ICA1: variants seen among roughly 807,000 people sequenced by gnomAD.
ICA1 encodes the protein 69 kDa islet cell autoantigen.
A neutral mutation model predicts 71.0 loss-of-function variants in ICA1; 40 were observed. The ratio of observed to expected loss-of-function variants is 0.56; its 90% CI spans 0.44 to 0.73. The LOEUF is 0.73. Ranked by LOEUF, ICA1 falls within the 30% of genes least tolerant of loss-of-function variation. The pLI, the probability that ICA1 is intolerant of heterozygous loss-of-function variation, is 0.00. For missense variants in ICA1, 578 were observed against 576.5 expected (o/e 1.00, Z -0.03); for synonymous variants, 207 against 209.5 (o/e 0.99, Z 0.10).
At chr7:8,181,992 A>G (rs1782324065) in intron 6 of ICA1, among the ~76,000 whole-genome samples, 1 of 152,302 alleles carries the variant, frequency 6.6e-6, no homozygotes, top group South Asian at 2.1e-4. Flanking sequence ...AATGGTAGTT[A>G]CTTGCAAAGC....
chr7:8,164,986 AG>A (rs1363991201), intron 6 of ICA1, among the ~76,000 whole-genome samples: 5 of 152,150 alleles, frequency 3.3e-5, no homozygotes, highest in African/African-American at 1.2e-4. Context: ...TTAAGGTGGG[AG>A]GATTGCCTGA....
intron 6 of ICA1, among the ~76,000 whole-genome samples, chr7:8,201,859 A>G (rs892869029): frequency 1.7e-4 from 26 of 152,228 alleles, no homozygotes; most frequent in Middle Eastern, 3.4e-3. Context: ...GGATTTTAGA[A>G]CATTCCTAGG....
intron 6 of ICA1, among the ~76,000 whole-genome samples, chr7:8,215,545 T>C (rs1477666606): frequency 2.0e-5 from 3 of 152,194 alleles, no homozygotes; most frequent in African/African-American, 4.8e-5. Context: ...CAAGACAAGA[T>C]GGCAATGATC....
At chr7:8,216,596 T>TAAAAAA (rs1554349683) in intron 6 of ICA1, among the ~76,000 whole-genome samples, 1 of 87,222 alleles carries the variant, frequency 1.1e-5, no homozygotes, top group African/African-American at 7.3e-5. Flanking sequence ...AAAAAAAAAT[T>TAAAAAA]CCACATAAAA....
At chr7:8,179,173 C>T (rs1402249876) in intron 6 of ICA1, among the ~76,000 whole-genome samples, 2 of 152,158 alleles carry the variant, frequency 1.3e-5, no homozygotes, top group African/African-American at 4.8e-5. Context: ...TAAATGACTT[C>T]TTAGAGGACA....
intron 6 of ICA1, among the ~76,000 whole-genome samples, chr7:8,167,633 G>T (rs2128223637): frequency 6.6e-6 from 1 of 151,844 alleles, no homozygotes; most frequent in African/African-American, 2.4e-5. Flanking sequence ...TAAAATAAAT[G>T]TTAAAAAAAA....
intron 6 of ICA1, among the ~76,000 whole-genome samples, chr7:8,180,838 T>TC (rs201379961): frequency 2.8e-3 from 371 of 132,608 alleles, no homozygotes; most frequent in African/African-American, 0.01. Context: ...TCTCTCTCTC[T>TC]TTTTTTTTTT....
intron 8 of ICA1, among the ~76,000 whole-genome samples, chr7:8,153,264 G>A (rs1800254058): frequency 6.6e-6 from 1 of 152,150 alleles, no homozygotes; most frequent in Non-Finnish European, 1.5e-5. Flanking sequence ...ACATCTCACA[G>A]GAATCCACTT....
At chr7:8,160,714 T>C (rs1803452944) in intron 6 of ICA1, among the ~76,000 whole-genome samples, 1 of 152,212 alleles carries the variant, frequency 6.6e-6, no homozygotes, top group African/African-American at 2.4e-5. Context: ...TCTACAGATC[T>C]GGGAAGATCA....
chr7:8,197,314 G>A (rs955735246), intron 6 of ICA1, among the ~76,000 whole-genome samples: 2 of 151,642 alleles, frequency 1.3e-5, no homozygotes, highest in Non-Finnish European at 2.9e-5. Flanking sequence ...CAGCACTTTG[G>A]GAGGCCGAAG....
rs1416742298 is a variant in ICA1 at position 8,235,651 on chromosome 7, T to C, written c.17+259A>G. On this transcript the variant is annotated intron_variant, in intron 2 of 13. Coordinates refer to ENST00000402384, the MANE Select transcript of ICA1 (RefSeq NM_001136020.3). Reference sequence around the variant, plus strand: ...GACAAAATGGTGGTAAGAAAAACTATCAGTAGGTTCCCAAGAGAAAAGTTA... The same window carrying C: ...GACAAAATGGTGGTAAGAAAAACTACCAGTAGGTTCCCAAGAGAAAAGTTA... 2.6e-5 allele frequency among the ~76,000 whole-genome samples: 4 copies of C among 152,288 alleles called. No homozygotes were observed. In the East Asian group the frequency reaches 7.7e-4, roughly 29 times the overall value.
rs1165292080 is a variant in ICA1, at chr7:8,166,694, GAA to G, written c.580-8044_580-8043del. ...TACAGCAAAAGAAACTATCAACAGA[GAA>G]AAAAGACAACTTACAGAATGGGAGA... On this transcript the variant is annotated intron_variant, in intron 6 of 13. Coordinates refer to ENST00000402384, the MANE Select transcript of ICA1 (RefSeq NM_001136020.3). Among the ~76,000 whole-genome samples, 118 of 152,184 alleles carry G rather than the reference GAA, an allele frequency of 7.8e-4. 1 individual carries two copies. The highest frequency in any genetic ancestry group is 4.4e-5 in the Non-Finnish European group (3 of 68,002).
Position 8,229,055 on chromosome 7 carries a change from G to GT in ICA1, c.184-383dup, listed in dbSNP as rs149118984. 3.5e-3 allele frequency among the ~76,000 whole-genome samples: 530 copies of GT among 150,754 alleles called. 3 individuals are homozygous for GT. Among genetic ancestry groups the GT allele is most frequent in the African/African-American group, 0.012 (491 of 41,224 alleles). On this transcript the variant is annotated intron_variant, in intron 3 of 13. Transcript: ENST00000402384. ...TTTATTCCTTTCACCACTTGCTGTGGTTTTTTTTTAATGGGGGATCTGTCA... is the reference window on the plus strand; with the variant it reads ...TTTATTCCTTTCACCACTTGCTGTGGTTTTTTTTTTAATGGGGGATCTGTCA...
intron 7 of ICA1, 55 bp downstream of exon 7, chr7:8,158,471 TG>T: frequency 6.3e-7 from 1 of 1,594,298 alleles, no homozygotes; most frequent in Non-Finnish European, 8.6e-7. Flanking sequence ...ACCATTTTGA[TG>T]TTATTTAAAC....
chr7:8,228,440 C>CT (rs1799287945), intron 4 of ICA1, among the ~76,000 whole-genome samples, 161 bp downstream of exon 4: 1 of 152,128 alleles, frequency 6.6e-6, no homozygotes, highest in East Asian at 1.9e-4. Flanking sequence ...GATAAATAAG[C>CT]TATGTATATT....
intron 13 of ICA1, among the ~76,000 whole-genome samples, chr7:8,120,734 A>G (rs2128018410): frequency 6.6e-6 from 1 of 152,328 alleles, no homozygotes; most frequent in East Asian, 1.9e-4. Flanking sequence ...ATAAAATTTT[A>G]TTAGAGCAAA....
At chr7:8,184,586 A>T (rs1783299188) in intron 6 of ICA1, among the ~76,000 whole-genome samples, 1 of 152,224 alleles carries the variant, frequency 6.6e-6, no homozygotes, top group Admixed American at 6.5e-5. Flanking sequence ...TAGGCCACTT[A>T]AAAATAATCC....
intron 6 of ICA1, among the ~76,000 whole-genome samples, chr7:8,170,520 AT>A (rs1807923960): frequency 6.6e-6 from 1 of 151,940 alleles, no homozygotes; most frequent in South Asian, 2.1e-4. Flanking sequence ...TTTTGGGTAG[AT>A]TTTGGTGCAC....
intron 12 of ICA1, among the ~76,000 whole-genome samples, chr7:8,133,375 C>T (rs917564538): frequency 6.6e-6 from 1 of 152,168 alleles, no homozygotes; most frequent in African/African-American, 2.4e-5. Flanking sequence ...GCACTCCAGG[C>T]TTGAATGCCT....
Sources: allele counts gnomAD v4.1 joint callset (sites outside exome capture counted in the v4.1 genomes callset), GRCh38; gene constraint gnomAD v4.1.1; transcripts MANE v1.5; gene names NCBI Gene and HGNC (gene_info 2026-07-23, HGNC 2026-07-21).